TNFSF4: variants seen among roughly 807,000 people sequenced by gnomAD.
The protein encoded by TNFSF4 is tumor necrosis factor ligand superfamily member 4.
TNFSF4 carries 4 observed loss-of-function variants against 7.3 expected under a neutral mutation model. The ratio of observed to expected loss-of-function variants is 0.55; its 90% CI spans 0.27 to 1.25. The LOEUF (loss-of-function observed/expected upper bound fraction) is 1.25, where lower values mean the gene tolerates loss of function less well. Among genes scored for constraint, TNFSF4 ranks in the 50% most tolerant of loss-of-function variants. The probability of loss-of-function intolerance (pLI) is 0.12; values close to 1 mark genes in which losing one functional copy is unlikely to be tolerated. For missense variants in TNFSF4, 181 were observed against 208.8 expected (o/e 0.87, Z 0.82); for synonymous variants, 76 against 83.7 (o/e 0.91, Z 0.50).
chr1:173,248,288 C>T, the TNFSF4 span, among the ~76,000 whole-genome samples: 3 of 151,374 alleles, frequency 2.0e-5, no homozygotes, highest in Middle Eastern at 6.8e-3. Context: ...ACCTGGGAGG[C>T]GGAGGTTACA....
At chr1:173,204,852 C>G (rs1650108537) in intron 1 of TNFSF4, among the ~76,000 whole-genome samples, 1 of 151,686 alleles carries the variant, frequency 6.6e-6, no homozygotes, top group Non-Finnish European at 1.5e-5. Flanking sequence ...CTACAATGTT[C>G]TCTCTCAATC....
the TNFSF4 span, among the ~76,000 whole-genome samples, chr1:173,233,754 C>G: frequency 1.3e-4 from 20 of 152,170 alleles, no homozygotes; most frequent in African/African-American, 4.8e-4. Context: ...TGAGTCTTGG[C>G]TGAAACTAGA....
chr1:173,205,205 G>C, intron 1 of TNFSF4: 1 of 1,330,328 alleles, frequency 7.5e-7, no homozygotes, highest in Non-Finnish European at 1.0e-6. Flanking sequence ...TTTCAGAGTA[G>C]ACAGGGCATG....
At chr1:173,421,688 G>A in the TNFSF4 span, among the ~76,000 whole-genome samples, 1 of 151,662 alleles carries the variant, frequency 6.6e-6, no homozygotes, top group African/African-American at 2.4e-5. Flanking sequence ...AAAAAAAAAT[G>A]AAAATCCCCC....
chr1:173,418,245 A>G, the TNFSF4 span: 2 of 152,232 alleles, frequency 1.3e-5, no homozygotes, highest in African/African-American at 2.4e-5. Flanking sequence ...CACGGCACCA[A>G]TGGATCTATG....
chr1:173,212,427 T>A, the TNFSF4 span, among the ~76,000 whole-genome samples: 2 of 152,308 alleles, frequency 1.3e-5, no homozygotes, highest in Admixed American at 1.3e-4. Flanking sequence ...ACCATTACTT[T>A]CTATGATAGG....
the TNFSF4 span, among the ~76,000 whole-genome samples, chr1:173,335,697 C>T: frequency 6.6e-6 from 1 of 152,158 alleles, no homozygotes; most frequent in Non-Finnish European, 1.5e-5. Flanking sequence ...GTGATGTCCC[C>T]TCTATCATTT....
chr1:173,290,038 A>G, the TNFSF4 span, among the ~76,000 whole-genome samples: 1 of 152,142 alleles, frequency 6.6e-6, no homozygotes, highest in Non-Finnish European at 1.5e-5. Flanking sequence ...ATCTTGATGA[A>G]CCACAAGCAG....
At chr1:173,253,650 C>T in the TNFSF4 span, among the ~76,000 whole-genome samples, 1 of 152,142 alleles carries the variant, frequency 6.6e-6, no homozygotes, top group East Asian at 1.9e-4. Flanking sequence ...GACATATGAA[C>T]GTCTAGTTTC....
the TNFSF4 span, among the ~76,000 whole-genome samples, chr1:173,390,631 T>A: frequency 6.6e-6 from 1 of 152,122 alleles, no homozygotes; most frequent in Non-Finnish European, 1.5e-5. Flanking sequence ...AATTATTTCC[T>A]CTTCTCAAAC....
At chr1:173,365,281 C>A in the TNFSF4 span, among the ~76,000 whole-genome samples, 3 of 152,110 alleles carry the variant, frequency 2.0e-5, no homozygotes, top group Non-Finnish European at 4.4e-5. Context: ...TGGCTAGATG[C>A]TCTTTTAACA....
the TNFSF4 span, among the ~76,000 whole-genome samples, chr1:173,395,030 A>AGAT: frequency 0.11 from 9,188 of 87,362 alleles, 277 homozygotes; most frequent in East Asian, 0.14. Context: ...ATAGATAGAT[A>AGAT]GATAGATGAT....
the TNFSF4 span, among the ~76,000 whole-genome samples, chr1:173,301,774 AT>A: frequency 6.6e-6 from 1 of 151,686 alleles, no homozygotes; most frequent in Non-Finnish European, 1.5e-5. Context: ...TTGTTCATTT[AT>A]TTGTTTACTC....
chr1:173,214,479 C>A, the TNFSF4 span, among the ~76,000 whole-genome samples: 1 of 152,118 alleles, frequency 6.6e-6, no homozygotes, highest in Non-Finnish European at 1.5e-5. Flanking sequence ...CCTGTCAATT[C>A]GATCAAGGGT....
chr1:173,282,056 G>A, the TNFSF4 span, among the ~76,000 whole-genome samples: 1 of 152,182 alleles, frequency 6.6e-6, no homozygotes, highest in African/African-American at 2.4e-5. Context: ...CATGGTGAGG[G>A]TGGTAAAGAG....
chr1:173,371,843 C>T, the TNFSF4 span, among the ~76,000 whole-genome samples: 1 of 152,300 alleles, frequency 6.6e-6, no homozygotes, highest in African/African-American at 2.4e-5. Flanking sequence ...GCTCCCAGTT[C>T]CTCTTTGCGT....
chr1:173,237,321 A>G, the TNFSF4 span, among the ~76,000 whole-genome samples: 2 of 152,210 alleles, frequency 1.3e-5, no homozygotes, highest in African/African-American at 4.8e-5. Context: ...CAAAAACTAC[A>G]TGATTATCTC....
At chr1:173,246,458 T>C in the TNFSF4 span, among the ~76,000 whole-genome samples, 1 of 152,170 alleles carries the variant, frequency 6.6e-6, no homozygotes, top group Non-Finnish European at 1.5e-5. Flanking sequence ...CATGCACACA[T>C]ATATTTATTG....
the TNFSF4 span, among the ~76,000 whole-genome samples, chr1:173,357,945 G>A: frequency 6.6e-6 from 1 of 152,198 alleles, no homozygotes; most frequent in Non-Finnish European, 1.5e-5. Context: ...CTGAAAAAGG[G>A]TCTCCAAAAG....
Sources: allele counts gnomAD v4.1 joint callset (sites outside exome capture counted in the v4.1 genomes callset), GRCh38; gene constraint gnomAD v4.1.1; transcripts MANE v1.5; gene names NCBI Gene and HGNC (gene_info 2026-07-23, HGNC 2026-07-21).